Variants in AGO4 observed in about 807,000 individuals in gnomAD.
AGO4 encodes the protein protein argonaute-4.
Under a neutral mutation model 104.7 loss-of-function variants are expected in AGO4, and 33 were observed. The observed-to-expected ratio is 0.32, with a 90% confidence interval of 0.24 to 0.42. The LOEUF (loss-of-function observed/expected upper bound fraction) is 0.42. AGO4 is among the 10% of genes least tolerant of loss of function. The pLI is 1.00. For synonymous variants in AGO4, 331 were observed against 364.7 expected, an observed-to-expected ratio of 0.91 and a Z score of 1.05; for missense variants, 711 against 1,083.4, an observed-to-expected ratio of 0.66 and a Z score of 4.83.
chr1:35,850,591 C>T (rs188127303), intron 16 of AGO4, among the ~76,000 whole-genome samples: 2 of 151,752 alleles, frequency 1.3e-5, no homozygotes, highest in Admixed American at 1.3e-4. Flanking sequence ...ACCAGCCTGA[C>T]CAATGTGGTG....
intron 2 of AGO4, among the ~76,000 whole-genome samples, chr1:35,820,977 T>C (rs1643876173): frequency 6.6e-6 from 1 of 152,208 alleles, no homozygotes; most frequent in Non-Finnish European, 1.5e-5. Flanking sequence ...AAGTGAAAGA[T>C]TAAGTAACTT....
chr1:35,829,043 CT>C (rs915771759), intron 7 of AGO4, among the ~76,000 whole-genome samples: 1 of 150,762 alleles, frequency 6.6e-6, no homozygotes, highest in African/African-American at 2.4e-5. Flanking sequence ...ACACACACAC[CT>C]TTTTTTGCTT....
intron 1 of AGO4, among the ~76,000 whole-genome samples, chr1:35,815,988 A>G (rs1336891551): frequency 6.6e-6 from 1 of 152,258 alleles, no homozygotes; most frequent in Admixed American, 6.5e-5. Flanking sequence ...ATGTCTGTGG[A>G]ATAAACTAGA....
At chr1:35,840,527 G>C (rs1644415434) in intron 13 of AGO4, among the ~76,000 whole-genome samples, 1 of 151,970 alleles carries the variant, frequency 6.6e-6, no homozygotes, top group Non-Finnish European at 1.5e-5. Context: ...TCCAACTCCT[G>C]ACCTCAGGTG....
intron 11 of AGO4, among the ~76,000 whole-genome samples, chr1:35,833,047 G>A (rs533329689): frequency 3.5e-4 from 53 of 152,234 alleles, no homozygotes; most frequent in Admixed American, 7.2e-4. Flanking sequence ...TTGGGAGGCC[G>A]AGGTGGGTGG....
Position 35,826,060 on chromosome 1 carries a change from G to A in AGO4, c.760G>A (p.Gly254Ser), listed in dbSNP as rs1368851645. Reference sequence around the variant, plus strand: ...TGTCAAATTTACCAAAGAAATCAGAGGTAAGTGTTTGCATTAATGTAGTCT... The same window carrying A: ...TGTCAAATTTACCAAAGAAATCAGAAGTAAGTGTTTGCATTAATGTAGTCT... ...QRVKFTKEIR[G>S]LKVEVTHCGQ... The change falls in exon 6 of 18, where the codon GGT (glycine) becomes AGT (serine). Residue 254 changes from glycine (G) to serine (S), a missense_variant and splice_region_variant. Coordinates refer to ENST00000373210, the MANE Select transcript of AGO4 (RefSeq NM_017629.4). 2 of 1,613,762 alleles carry A rather than the reference G, an allele frequency of 1.2e-6. No individual in the cohort carries two copies. Among genetic ancestry groups the A allele is most frequent in the African/African-American group, 1.3e-5 (1 of 74,912 alleles).
At chr1:35,843,308 C>T (rs765373186) in intron 15 of AGO4, among the ~76,000 whole-genome samples, 2 of 152,090 alleles carry the variant, frequency 1.3e-5, no homozygotes, top group Non-Finnish European at 2.9e-5. Context: ...TCAGGTGATC[C>T]ACCTGCTTCG....
rs1481596722 is a variant in AGO4 at position 35,841,102 on chromosome 1, T to A, written c.1725-63T>A. ...TCTGATTATATCTGGTGATATAATC[T>A]TGCTAAACTCAAACATTTTCACTTA... On this transcript the variant is annotated intron_variant, in intron 13 of 17. Transcript: ENST00000373210. The surrounding 1 kb of genome is among the most constrained non-coding windows in gnomAD (Gnocchi z 4.7). 1 of 1,530,186 alleles carries A rather than the reference T, an allele frequency of 6.5e-7. No individual in the cohort carries two copies. The highest frequency in any genetic ancestry group is 8.9e-7 in the Non-Finnish European group (1 of 1,119,042). The allele number at this position is 1,530,186 out of a possible 1,614,324, so 94.8% of individuals were successfully genotyped here.
intron 8 of AGO4, 74 bp downstream of exon 8, chr1:35,831,648 A>G (rs1011122800): frequency 2.6e-5 from 40 of 1,551,580 alleles, no homozygotes; most frequent in Non-Finnish European, 3.5e-5. Flanking sequence ...GTTCTAAACT[A>G]GTGGTGAAAT....
At chr1:35,826,924 G>A (rs576153025) in intron 7 of AGO4, 89 bp downstream of exon 7, 48 of 1,334,044 alleles carry the variant, frequency 3.6e-5, no homozygotes, top group South Asian at 3.3e-4. Context: ...GTTATTGGCC[G>A]GGCACAGTGG....
intron 7 of AGO4, 128 bp from the exon 8 acceptor site, chr1:35,831,299 T>A: frequency 6.3e-6 from 6 of 950,852 alleles, no homozygotes; most frequent in East Asian, 2.9e-5. Flanking sequence ...GAGGCGGAGG[T>A]TGAGATCACG....
Position 35,834,182 on chromosome 1 carries a change from C to A in AGO4, c.1564+8C>A. On this transcript the variant is annotated splice_region_variant and intron_variant, in intron 12 of 17. Coordinates refer to ENST00000373210, the MANE Select transcript of AGO4 (RefSeq NM_017629.4). ...GAAAGACACCAGTATATGGTATGGA[C>A]CCTTTTAATGCTGAATGAGGGATGA... is the stretch of plus-strand genomic sequence containing the variant. 1.3e-6 allele frequency: 2 copies of A among 1,551,072 alleles called. No individual in the cohort carries two copies. Among genetic ancestry groups the A allele is most frequent in the South Asian group, 1.3e-5 (1 of 79,984 alleles).
chr1:35,811,513 A>T (rs982187300), intron 1 of AGO4, among the ~76,000 whole-genome samples: 2 of 151,970 alleles, frequency 1.3e-5, no homozygotes, highest in Non-Finnish European at 2.9e-5. Context: ...ACCTTTGAGC[A>T]CTAACTATGA....
At position 35,853,674 on chromosome 1, in the gene AGO4, G is replaced by A. The variant is rs990833188; in HGVS notation, c.*69G>A. On this transcript the variant is annotated 3_prime_UTR_variant, in exon 18 of 18. Transcript: ENST00000373210. ...CCTCAAAATGTTTCAAATGCCTACC[G>A]CCTCTAGATCGAGCCACGTTGACTT... 42 of 1,372,590 alleles carry A rather than the reference G, an allele frequency of 3.1e-5. 1 individual carries two copies. The highest frequency in any genetic ancestry group is 3.9e-5 in the Non-Finnish European group (38 of 973,050). The allele number at this position is 1,372,590 out of a possible 1,614,324, so 85.0% of individuals were successfully genotyped here. A position where few individuals can be genotyped will look rare whatever the true frequency, so the allele number is the denominator to read the frequency against.
chr1:35,813,905 C>G (rs956842628), intron 1 of AGO4, among the ~76,000 whole-genome samples: 15 of 151,560 alleles, frequency 9.9e-5, no homozygotes, highest in African/African-American at 3.4e-4. Flanking sequence ...GAAACCCCGT[C>G]TCTACTAAAA....
chr1:35,829,920 G>A (rs1644137142), intron 7 of AGO4, among the ~76,000 whole-genome samples: 3 of 151,220 alleles, frequency 2.0e-5, no homozygotes, highest in South Asian at 4.2e-4. Context: ...AACACTTTGG[G>A]AGGCTGAGGA....
At position 35,841,631 on chromosome 1, in the gene AGO4, C is replaced by A; in HGVS notation, c.2056C>A (p.Leu686Ile). The change falls in exon 15 of 18, where the codon CTA (leucine) becomes ATA (isoleucine). Residue 686 changes from leucine to isoleucine, a missense_variant. Coordinates refer to ENST00000373210, the MANE Select transcript of AGO4 (RefSeq NM_017629.4). The surrounding 1 kb of genome is among the most constrained non-coding windows in gnomAD (Gnocchi z 4.7). ...TGTCTTCTAGGTAGCTTGGCCAGAA[C>A]TAATAGCAATTCGAAAGGCATGTAT... is the stretch of plus-strand genomic sequence containing the variant. Reference protein sequence around the residue: ...GQMKQVAWPELIAIRKACISL... With the variant: ...GQMKQVAWPEIIAIRKACISL... The A allele has an allele frequency of 6.2e-7, 1 of 1,613,936 alleles. No individual in the cohort carries two copies.
chr1:35,832,675 A>G, intron 11 of AGO4, 105 bp downstream of exon 11: 4 of 1,374,552 alleles, frequency 2.9e-6, no homozygotes, highest in South Asian at 3.5e-5. Flanking sequence ...CCTGACTCCC[A>G]TAGTGACACC....
chr1:35,856,745 T>C lies in AGO4; in HGVS notation c.*3140T>C, dbSNP rs1644824381. On this transcript the variant is annotated 3_prime_UTR_variant, in exon 18 of 18. Coordinates refer to ENST00000373210, the MANE Select transcript of AGO4 (RefSeq NM_017629.4). The stretch of plus-strand genomic sequence containing the variant: ...TACTCGGGAGGCTGAGGCAGGAGAA[T>C]TGCTTGAACCCAGGAGGTGGACGGT... 6.7e-6 allele frequency: 1 copy of C among 148,316 alleles called. No homozygotes were observed. The highest frequency in any genetic ancestry group is 1.5e-5 in the Non-Finnish European group (1 of 67,588). 9.2% of individuals were successfully genotyped at this position (148,316 alleles called of 1,614,324 possible). A position where few individuals can be genotyped will look rare whatever the true frequency, so the allele number is the denominator to read the frequency against.
Sources: gnomAD v4.1 joint callset for allele counts (sites outside exome capture counted in the v4.1 genomes callset) on GRCh38, gnomAD v4.1.1 for gene constraint, Gnocchi (gnomAD v3.1) non-coding constraint, MANE v1.5 for transcripts, NCBI Gene and HGNC (gene_info 2026-07-23, HGNC 2026-07-21) for gene names.